Variants in SSH2 observed in about 807,000 individuals in gnomAD.
SSH2 encodes the protein protein phosphatase Slingshot homolog 2.
A neutral mutation model predicts 135.2 loss-of-function variants in SSH2; 37 were observed. The ratio of observed to expected loss-of-function variants is 0.27; its 90% confidence interval spans 0.21 to 0.36. SSH2 has a LOEUF of 0.36. Ranked by LOEUF, SSH2 falls within the 10% of genes least tolerant of loss-of-function variation. The pLI is 1.00. For missense variants in SSH2, 1,408 were observed against 1,765.3 expected (o/e 0.80, Z 3.63); for synonymous variants, 628 against 646.2 (o/e 0.97, Z 0.43).
rs1229310632 is a variant in SSH2 at position 29,631,056 on chromosome 17, T to C, written c.4138A>G (p.Ser1380Gly). 3 of 1,614,120 alleles carry C rather than the reference T, an allele frequency of 1.9e-6. No individual in the cohort carries two copies. The highest frequency in any genetic ancestry group is 1.7e-6 in the Non-Finnish European group (2 of 1,180,054). ...GCCCTGGGGAGCAAATACTGCTGAC[T>C]AGAACCAAATTCTTTGGCATACTGC... ...LVQYAKEFGS[S>G]QQYLLPRAGL... The change falls in exon 16 of 16, where the codon AGT (serine) becomes GGT (glycine). Residue 1380 changes from serine (S) to glycine (G), a missense_variant. Around this residue, in one of 3 missense-constraint regions of SSH2, gnomAD observed 1,080 missense variants for 1,144.5 expected, o/e 0.94. Transcript: ENST00000540801.
At chr17:29,817,439 G>T (rs2042577411) in intron 2 of SSH2, among the ~76,000 whole-genome samples, 1 of 152,130 alleles carries the variant, frequency 6.6e-6, no homozygotes, top group Admixed American at 6.5e-5. Context: ...GAGAAGAAAT[G>T]GTTATAACCA....
intron 1 of SSH2, among the ~76,000 whole-genome samples, chr17:29,919,911 T>C (rs1385535572): frequency 6.6e-6 from 1 of 152,134 alleles, no homozygotes; most frequent in Non-Finnish European, 1.5e-5. Context: ...GTGATTTATT[T>C]ATTTATTTAT....
chr17:29,817,931 T>C (rs1305071189), intron 2 of SSH2, among the ~76,000 whole-genome samples: 1 of 151,106 alleles, frequency 6.6e-6, no homozygotes, highest in African/African-American at 2.4e-5. Flanking sequence ...CTAATTACTA[T>C]TATTATTATT....
intron 1 of SSH2, among the ~76,000 whole-genome samples, chr17:29,851,745 T>C (rs1367082948): frequency 6.6e-6 from 1 of 152,100 alleles, no homozygotes; most frequent in African/African-American, 2.4e-5. Context: ...CACACCTCTG[T>C]AGGCCTGGCT....
intron 2 of SSH2, among the ~76,000 whole-genome samples, chr17:29,822,472 C>T (rs1187502583): frequency 6.6e-6 from 1 of 152,048 alleles, no homozygotes; most frequent in African/African-American, 2.4e-5. Flanking sequence ...AGGTATCCCC[C>T]TGCCTCAGCC....
At chr17:29,833,732 TACTTCCCTC>T (rs2042891317) in intron 2 of SSH2, among the ~76,000 whole-genome samples, 1 of 82,594 alleles carries the variant, frequency 1.2e-5, no homozygotes, top group Non-Finnish European at 2.2e-5. Flanking sequence ...CCTCCCTCCC[TACTTCCCTC>T]CCTTCCTTCT....
At chr17:29,834,247 A>C (rs2042906941) in intron 2 of SSH2, among the ~76,000 whole-genome samples, 1 of 152,126 alleles carries the variant, frequency 6.6e-6, no homozygotes, top group Non-Finnish European at 1.5e-5. Context: ...AATAGTTCTC[A>C]TATCTAATAC....
At chr17:29,888,887 G>A (rs2066290661) in intron 1 of SSH2, among the ~76,000 whole-genome samples, 1 of 117,314 alleles carries the variant, frequency 8.5e-6, no homozygotes, top group Non-Finnish European at 1.6e-5. Flanking sequence ...CCATGATAGT[G>A]CACCACTTCA....
intron 8 of SSH2, 82 bp from the exon 9 acceptor site, chr17:29,672,211 AT>A: frequency 9.7e-7 from 1 of 1,035,308 alleles, no homozygotes; most frequent in Non-Finnish European, 1.4e-6. Flanking sequence ...AACTCTTCTA[AT>A]TTTTAAATTC....
At position 29,632,679 on chromosome 17, in the gene SSH2, C is replaced by T. The variant is rs759885053; in HGVS notation, c.2515G>A (p.Ala839Thr). 3.1e-6 allele frequency: 5 copies of T among 1,614,146 alleles called. No individual in the cohort carries two copies. In the South Asian group the frequency reaches 4.4e-5, roughly 14 times the overall value. Residue 839 changes from alanine (A) to threonine (T), a missense_variant, in exon 16 of 16, where the codon GCC becomes ACC. Transcript: ENST00000540801. ...HMEQDEDSCT[A>T]QPELAKDSGM... ...GAGTCTTTGGCTAGTTCAGGCTGGGCTGTGCAGGAGTCCTCATCTTGCTCC... is the reference window on the plus strand; with the variant it reads ...GAGTCTTTGGCTAGTTCAGGCTGGGTTGTGCAGGAGTCCTCATCTTGCTCC...
At chr17:29,922,011 A>G (rs1234670335) in intron 1 of SSH2, among the ~76,000 whole-genome samples, 2 of 152,164 alleles carry the variant, frequency 1.3e-5, no homozygotes, top group Admixed American at 6.5e-5. Flanking sequence ...TAGAAGGAGC[A>G]CCTACCATGA....
chr17:29,737,728 G>A (rs1308243669), intron 3 of SSH2, among the ~76,000 whole-genome samples: 1 of 152,118 alleles, frequency 6.6e-6, no homozygotes, highest in African/African-American at 2.4e-5. Flanking sequence ...GTGAAAATTT[G>A]TAATATTACT....
chr17:29,756,147 C>A (rs2041111643), intron 3 of SSH2, among the ~76,000 whole-genome samples: 1 of 151,640 alleles, frequency 6.6e-6, no homozygotes, highest in South Asian at 2.1e-4. Flanking sequence ...GTGGTGCATG[C>A]CTGTAATCCC....
At chr17:29,848,814 C>A in intron 2 of SSH2, 35 bp downstream of exon 2, 1 of 1,356,230 alleles carries the variant, frequency 7.4e-7, no homozygotes, top group South Asian at 1.3e-5. Context: ...TTACTTGAAT[C>A]ACCAAAGTCT....
chr17:29,887,648 T>A (rs1276073721), intron 1 of SSH2, among the ~76,000 whole-genome samples: 1 of 152,236 alleles, frequency 6.6e-6, no homozygotes, highest in Non-Finnish European at 1.5e-5. Flanking sequence ...GAGTTCAGAA[T>A]AGTGCCTAGC....
intron 3 of SSH2, among the ~76,000 whole-genome samples, chr17:29,780,952 C>T (rs1281922729): frequency 2.6e-5 from 4 of 151,918 alleles, no homozygotes; most frequent in African/African-American, 9.7e-5. Flanking sequence ...GCTAGGACTA[C>T]AGGCGCCCAC....
chr17:29,751,624 A>G lies in SSH2; in HGVS notation c.188+42270T>C, dbSNP rs543684776. ...AAACACATGAGTAATACATTATGCTACGACATTATGACAGCTATAGTCACT... is the reference window on the plus strand; with the variant it reads ...AAACACATGAGTAATACATTATGCTGCGACATTATGACAGCTATAGTCACT... On this transcript the variant is annotated intron_variant, in intron 3 of 15. Coordinates refer to ENST00000540801, the MANE Select transcript of SSH2 (RefSeq NM_001282129.2). 3.9e-5 allele frequency among the ~76,000 whole-genome samples: 6 copies of G among 152,344 alleles called. No individual in the cohort carries two copies. The South Asian group carries it at 1.2e-3, about 32-fold the overall frequency.
intron 3 of SSH2, among the ~76,000 whole-genome samples, chr17:29,784,656 G>T (rs976488186): frequency 2.0e-5 from 3 of 151,504 alleles, no homozygotes; most frequent in Non-Finnish European, 4.4e-5. Flanking sequence ...CCTGAATAAT[G>T]GTTGGTGATA....
intron 1 of SSH2, among the ~76,000 whole-genome samples, chr17:29,901,440 G>A (rs1311435914): frequency 6.6e-6 from 1 of 152,146 alleles, no homozygotes; most frequent in Non-Finnish European, 1.5e-5. Context: ...ATAACAGGAT[G>A]TGGGCATACT....
Sources: gnomAD v4.1 joint callset for allele counts (sites outside exome capture counted in the v4.1 genomes callset) on GRCh38, gnomAD v4.1.1 for gene constraint, gnomAD v4.1.1 regional missense constraint, MANE v1.5 for transcripts, NCBI Gene and HGNC (gene_info 2026-07-23, HGNC 2026-07-21) for gene names.